Variants in USP45 observed in about 807,000 individuals in gnomAD.
USP45 encodes ubiquitin specific peptidase 45.
Under a neutral mutation model 95.8 loss-of-function variants are expected in USP45, and 89 were observed. The ratio of observed to expected loss-of-function variants is 0.93; its 90% confidence interval spans 0.78 to 1.11. The LOEUF is 1.11. USP45 is among the 50% of genes least tolerant of loss of function. The pLI, the probability that USP45 is intolerant of heterozygous loss-of-function variation, is 0.00. For missense variants in USP45, 898 were observed against 942.5 expected (o/e 0.95, Z 0.62); for synonymous variants, 281 against 316.2 (o/e 0.89, Z 1.18).
intron 9 of USP45, among the ~76,000 whole-genome samples, chr6:99,469,851 C>T (rs917093610): frequency 2.0e-5 from 3 of 151,920 alleles, no homozygotes; most frequent in Non-Finnish European, 4.4e-5. Flanking sequence ...TCTCAAACTC[C>T]CAAAGTGCTG....
chr6:99,463,050 A>C (rs992241347), intron 13 of USP45, among the ~76,000 whole-genome samples: 2 of 152,156 alleles, frequency 1.3e-5, no homozygotes, highest in African/African-American at 4.8e-5. Flanking sequence ...ATTAATACAA[A>C]TCATTTCATA....
At chr6:99,464,486 G>T in intron 13 of USP45, 118 bp downstream of exon 13, 1 of 1,116,626 alleles carries the variant, frequency 9.0e-7, no homozygotes, top group Non-Finnish European at 1.2e-6. Flanking sequence ...TAATTATGAA[G>T]CCAAAAAATG....
intron 1 of USP45, among the ~76,000 whole-genome samples, chr6:99,511,803 A>G (rs1389590223): frequency 1.3e-5 from 2 of 148,974 alleles, no homozygotes; most frequent in African/African-American, 2.5e-5. Context: ...CTAAATATCA[A>G]TATGTGTGTA....
chr6:99,463,726 C>A (rs758938622), intron 13 of USP45, among the ~76,000 whole-genome samples: 8 of 145,030 alleles, frequency 5.5e-5, no homozygotes, highest in African/African-American at 2.0e-4. Flanking sequence ...GCAGGAGAAT[C>A]GCTTGAACCC....
intron 5 of USP45, among the ~76,000 whole-genome samples, chr6:99,496,707 G>A (rs1172089980): frequency 1.3e-5 from 2 of 151,844 alleles, no homozygotes; most frequent in Non-Finnish European, 2.9e-5. Context: ...ACATTTAAAA[G>A]ACTATTAAAG....
intron 7 of USP45, among the ~76,000 whole-genome samples, chr6:99,486,276 A>G (rs1307064149): frequency 1.3e-5 from 2 of 152,230 alleles, no homozygotes; most frequent in Non-Finnish European, 2.9e-5. Context: ...CTAAGATATA[A>G]GATTCAAAAT....
chr6:99,503,922 C>T (rs1797952463), intron 4 of USP45, 57 bp from the exon 5 acceptor site: 3 of 1,231,584 alleles, frequency 2.4e-6, no homozygotes, highest in Admixed American at 2.4e-5. Context: ...TAATTTTGCA[C>T]ATCAGATAAC....
At chr6:99,445,251 A>G (rs1176148587) in intron 14 of USP45, among the ~76,000 whole-genome samples, 4 of 152,118 alleles carry the variant, frequency 2.6e-5, no homozygotes, top group Non-Finnish European at 5.9e-5. Flanking sequence ...TTGGGAGGCC[A>G]AGGCGGGTGG....
At chr6:99,461,723 C>T (rs890659415) in intron 13 of USP45, 2 of 985,094 alleles carry the variant, frequency 2.0e-6, no homozygotes, top group African/African-American at 1.7e-5. Context: ...AACTCAAAAA[C>T]TTATGATCAA....
chr6:99,435,528 C>A lies in USP45; in HGVS notation c.*188G>T. 2.3e-6 allele frequency: 1 copy of A among 433,944 alleles called. No individual in the cohort carries two copies. The highest frequency in any genetic ancestry group is 3.9e-6 in the Non-Finnish European group (1 of 254,566). The allele number at this position is 433,944 out of a possible 1,614,324, so 26.9% of individuals were successfully genotyped here. The stretch of plus-strand genomic sequence containing the variant: ...AACAAAATTCACATTTATTTTAAGA[C>A]TATGAATTTTAAAGCATTGAGTAAA... On this transcript the variant is annotated 3_prime_UTR_variant, in exon 18 of 18. Transcript: ENST00000500704.
rs1786721356 is a variant in USP45, at chr6:99,462,536, C to T, written c.1308+2068G>A. On this transcript the variant is annotated intron_variant, in intron 13 of 17. Coordinates refer to ENST00000500704, the MANE Select transcript of USP45 (RefSeq NM_001346022.3). ...TAACCTTTTCAAACTCTGTAAGATGCTTTGTTTTATACCATTAGAATAAAG... is the reference window on the plus strand; with the variant it reads ...TAACCTTTTCAAACTCTGTAAGATGTTTTGTTTTATACCATTAGAATAAAG... The T allele has an allele frequency of 3.0e-6, 3 of 985,378 alleles. No homozygotes were observed. In the African/African-American group the frequency reaches 5.2e-5, roughly 17 times the overall value. 61.0% of individuals were successfully genotyped at this position (985,378 alleles called of 1,614,324 possible).
intron 16 of USP45, among the ~76,000 whole-genome samples, chr6:99,438,137 T>C (rs1347553445): frequency 1.3e-5 from 2 of 152,298 alleles, no homozygotes; most frequent in Middle Eastern, 3.4e-3. Flanking sequence ...TGTCTATAAA[T>C]TGGGGACTGG....
chr6:99,452,627 C>G (rs1369898827), intron 13 of USP45, among the ~76,000 whole-genome samples: 1 of 152,178 alleles, frequency 6.6e-6, no homozygotes, highest in Admixed American at 6.5e-5. Flanking sequence ...GGCTATTCCT[C>G]AAGGATCTAG....
intron 9 of USP45, among the ~76,000 whole-genome samples, chr6:99,469,015 G>A (rs1035420168): frequency 6.6e-6 from 1 of 152,002 alleles, no homozygotes; most frequent in African/African-American, 2.4e-5. Context: ...GAAATTTATT[G>A]TCTATGAAGA....
chr6:99,511,884 T>TATATATATATAC (rs1799961476), intron 1 of USP45, among the ~76,000 whole-genome samples: 2 of 142,966 alleles, frequency 1.4e-5, no homozygotes, highest in Admixed American at 7.0e-5. Context: ...TATATATATA[T>TATATATATATAC]ATACACATAG....
At chr6:99,494,786 C>G (rs1795941134) in intron 5 of USP45, among the ~76,000 whole-genome samples, 1 of 152,080 alleles carries the variant, frequency 6.6e-6, no homozygotes, top group African/African-American at 2.4e-5. Context: ...CCAAGCTACT[C>G]AGGAGGCTGA....
At chr6:99,496,431 A>T (rs984713775) in intron 5 of USP45, among the ~76,000 whole-genome samples, 1 of 152,134 alleles carries the variant, frequency 6.6e-6, no homozygotes, top group East Asian at 1.9e-4. Context: ...CAGCAAACTC[A>T]TACTTCATAA....
At chr6:99,453,743 A>T (rs1337077168) in intron 13 of USP45, among the ~76,000 whole-genome samples, 1 of 152,064 alleles carries the variant, frequency 6.6e-6, no homozygotes, top group Admixed American at 6.6e-5. Flanking sequence ...TAGATCAACT[A>T]AGGCCAAGAA....
intron 8 of USP45, among the ~76,000 whole-genome samples, chr6:99,480,899 T>C (rs1340093714): frequency 6.6e-6 from 1 of 152,180 alleles, no homozygotes; most frequent in Non-Finnish European, 1.5e-5. Flanking sequence ...TAATGTATAC[T>C]TCTTTTAAAA....
Sources: allele counts gnomAD v4.1 joint callset (sites outside exome capture counted in the v4.1 genomes callset), GRCh38; gene constraint gnomAD v4.1.1; transcripts MANE v1.5; gene names NCBI Gene and HGNC (gene_info 2026-07-23, HGNC 2026-07-21).